Variants in TTN observed in about 807,000 individuals in gnomAD.
TTN encodes the protein titin, also known as connectin.
In TTN, 1,525 loss-of-function variants were observed where a neutral mutation model predicts 3,223.0. That is an observed-to-expected ratio of 0.47 (90% CI 0.45 to 0.49). The LOEUF (loss-of-function observed/expected upper bound fraction) is 0.49, where lower values mean the gene tolerates loss of function less well. TTN is among the 20% of genes least tolerant of loss of function. The pLI is 0.00. For missense variants in TTN, 40,786 were observed against 43,424.0 expected, an observed-to-expected ratio of 0.94 and a Z score of 5.40; for synonymous variants, 14,094 against 15,161.0, an observed-to-expected ratio of 0.93 and a Z score of 5.17.
At chr2:178,637,234 C>A in intron 224 of TTN, 135 bp downstream of exon 224, 1 of 275,096 alleles carries the variant, frequency 3.6e-6, no homozygotes, top group Non-Finnish European at 6.5e-6. Flanking sequence ...TATCAGAAAA[C>A]ATGCTAGTTT....
rs1287203590 is a variant in TTN, at chr2:178,727,148, A to G, written c.20217T>C (p.Ile6739=). 2.5e-6 allele frequency: 4 copies of G among 1,605,852 alleles called. No individual in the cohort carries two copies. The highest frequency in any genetic ancestry group is 4.5e-5 in the East Asian group (2 of 44,664). The change falls in exon 69 of 363, where the codon ATT becomes ATC. Residue 6739 remains isoleucine (I), a synonymous_variant. Transcript: ENST00000589042. ...TGCCAGCGGGATTCTGAGCCTCACAAATGAAATCTCCACTGTCCTCAGTAC... is the reference window on the plus strand; with the variant it reads ...TGCCAGCGGGATTCTGAGCCTCACAGATGAAATCTCCACTGTCCTCAGTAC... ...NLSTEDSGDF[I]CEAQNPAGST... is the part of the protein sequence containing the mutation.
chr2:178,780,054 A>C lies in TTN; in HGVS notation c.3675T>G (p.Ile1225Met). Reference protein sequence around the residue: ...EKEYEKEQALIRKKMAKDTVV... With the variant: ...EKEYEKEQALMRKKMAKDTVV... ...CAGTATCTTTGGCCATTTTCTTCCTAATTAAGGCTTGTTCTTTTTCATACT... is the reference window on the plus strand; with the variant it reads ...CAGTATCTTTGGCCATTTTCTTCCTCATTAAGGCTTGTTCTTTTTCATACT... Residue 1225 changes from isoleucine (I) to methionine (M), a missense_variant, in exon 22 of 363, where the codon ATT becomes ATG. Transcript: ENST00000589042. 1 of 1,613,626 alleles carries C rather than the reference A, an allele frequency of 6.2e-7. No individual in the cohort carries two copies. Among genetic ancestry groups the C allele is most frequent in the Non-Finnish European group, 8.5e-7 (1 of 1,179,858 alleles).
In TTN at chr2:178,544,204, T is replaced by C; in HGVS notation, c.96025A>G (p.Ile32009Val). ...SIAEIEPVER[I>V]EIPDLELADD... is the part of the protein sequence containing the mutation. ...TAAAAGCTTCTGTGATAAATACCTA[T>C]TCTTTCCACGGGCTCAATTTCAGCA... The change falls in exon 345 of 363, where the codon ATA (isoleucine) becomes GTA (valine). Residue 32009 changes from isoleucine (I) to valine (V), a missense_variant. Transcript: ENST00000589042. 6.2e-7 allele frequency: 1 copy of C among 1,612,670 alleles called. No homozygotes were observed. Among genetic ancestry groups the C allele is most frequent in the Non-Finnish European group, 8.5e-7 (1 of 1,178,756 alleles).
At position 178,723,061 on chromosome 2, in the gene TTN, G is replaced by C; in HGVS notation, c.21946C>G (p.Leu7316Val). 1 of 1,613,514 alleles carries C rather than the reference G, an allele frequency of 6.2e-7. No individual in the cohort carries two copies. The highest frequency in any genetic ancestry group is 8.5e-7 in the Non-Finnish European group (1 of 1,179,612). ...GACAACACACCTAATGTAGATACCA[G>C]AGCTCCACAAACATCCCTTCCTGCC... ...NEAGRDVCGA[L>V]VSTLEPPYFV... is the part of the protein sequence containing the mutation. The change falls in exon 75 of 363, where the codon CTG (leucine) becomes GTG (valine). Residue 7316 changes from leucine (L) to valine (V), a missense_variant. Physicochemically the swap from Leu to Val is conservative, Grantham distance 32 (BLOSUM62 1). Coordinates refer to ENST00000589042, the MANE Select transcript of TTN (RefSeq NM_001267550.2).
rs1424922146 is a variant in TTN at position 178,563,106 on chromosome 2, C to G, written c.83026G>C (p.Glu27676Gln). ...AQERIEPPEI[E>Q]LDADLRKVVV... ...ACCTTTCTGAGATCAGCATCGAGTT[C>G]TATTTCTGGTGGCTCTATCCTCTCC... Residue 27676 changes from glutamate (E) to glutamine (Q), a missense_variant, in exon 326 of 363, where the codon GAA becomes CAA. By Grantham distance (29) the Glu-to-Gln change is conservative. Transcript: ENST00000589042. This position sits in a 1 kb window ranked among gnomAD's most constrained non-coding sequence, Gnocchi z 4.5. The G allele has an allele frequency of 1.9e-6, 3 of 1,613,738 alleles. No individual in the cohort carries two copies. The highest frequency in any genetic ancestry group is 2.5e-6 in the Non-Finnish European group (3 of 1,179,720).
chr2:178,564,814 G>A lies in TTN; in HGVS notation c.81318C>T (p.Gly27106=), dbSNP rs772798309. 27 of 1,612,908 alleles carry A rather than the reference G, an allele frequency of 1.7e-5. No individual in the cohort carries two copies. Among genetic ancestry groups the A allele is most frequent in the Non-Finnish European group, 2.2e-5 (26 of 1,179,434 alleles). The change falls in exon 326 of 363, where the codon GGC becomes GGT. Residue 27106 remains glycine, a synonymous_variant. Coordinates refer to ENST00000589042, the MANE Select transcript of TTN (RefSeq NM_001267550.2). ...TCTTTTCTTTCTGTTCAAGATGGTA[G>A]CCAATAATTTTGGTGCCTCCATCAT... The part of the protein sequence containing the change: ...PVNDGGTKII[G]YHLEQKEKNS...
Position 178,689,035 on chromosome 2 carries a change from G to A in TTN, c.32095+18C>T. On this transcript the variant is annotated intron_variant, in intron 125 of 362. Transcript: ENST00000589042. ...TTTTTTTTTTTTTTTTTTGTCAGAG[G>A]ATTGAGGCAAATCCTACCTCGGGGA... is the stretch of plus-strand genomic sequence containing the variant. 2 of 1,321,308 alleles carry A rather than the reference G, an allele frequency of 1.5e-6. No individual in the cohort carries two copies. The highest frequency in any genetic ancestry group is 1.1e-6 in the Non-Finnish European group (1 of 936,492). 81.8% of individuals were successfully genotyped at this position (1,321,308 alleles called of 1,614,324 possible).
Position 178,725,611 on chromosome 2 carries a change from C to A in TTN, c.20593G>T (p.Val6865Phe). ...RFVSKLNSLT[V>F]VAGEPAELQA... ...AATTCAGCAGGCTCTCCGGCTACAA[C>A]AGTGAGGCTGTTCAGTTTGGAGACA... Residue 6865 changes from valine to phenylalanine, a missense_variant, in exon 71 of 363, where the codon GTT becomes TTT. Physicochemically the swap from Val to Phe is conservative, Grantham distance 50 (BLOSUM62 -1). Coordinates refer to ENST00000589042, the MANE Select transcript of TTN (RefSeq NM_001267550.2). The A allele has an allele frequency of 6.2e-7, 1 of 1,603,604 alleles. No homozygotes were observed. Among genetic ancestry groups the A allele is most frequent in the South Asian group, 1.1e-5 (1 of 89,088 alleles).
intron 147 of TTN, among the ~76,000 whole-genome samples, chr2:178,676,655 G>T (rs2068126381): frequency 6.9e-6 from 1 of 144,742 alleles, no homozygotes; most frequent in African/African-American, 2.6e-5. Context: ...TCAGGCTCAG[G>T]TTGGTTAAAG....
At chr2:178,798,921 T>C (rs1401397192) in intron 6 of TTN, 3 of 155,840 alleles carry the variant, frequency 1.9e-5, no homozygotes, top group African/African-American at 4.8e-5. Context: ...CACTGTGCCA[T>C]ATTTTGGCCC....
rs368124487 is a variant in TTN, at chr2:178,573,059, T to C, written c.73073A>G (p.Tyr24358Cys). ...IYDGGSEITG[Y>C]MVEIALPEED... Reference sequence around the variant, plus strand: ...CTCTGGCAGGGCAATCTCAACCATATACCCAGTGATTTCTGAACCACCATC... The same window carrying C: ...CTCTGGCAGGGCAATCTCAACCATACACCCAGTGATTTCTGAACCACCATC... Residue 24358 changes from tyrosine (Y) to cysteine (C), a missense_variant, in exon 326 of 363, where the codon TAT becomes TGT. Transcript: ENST00000589042. The C allele has an allele frequency of 1.2e-6, 2 of 1,613,236 alleles. No homozygotes were observed. The highest frequency in any genetic ancestry group is 1.1e-5 in the South Asian group (1 of 91,068).
chr2:178,528,420 A>G lies in TTN; in HGVS notation c.107231T>C (p.Ile35744Thr). ...EWFKNNLPIS[I>T]SSNVSISRSR... The stretch of plus-strand genomic sequence containing the variant: ...GCGGCTTATGCTGACATTTGAAGAA[A>G]TAGAAATCTAAGACAAAGGAAAAAG... Residue 35744 changes from isoleucine to threonine, a missense_variant, in exon 361 of 363, where the codon ATT becomes ACT. Coordinates refer to ENST00000589042, the MANE Select transcript of TTN (RefSeq NM_001267550.2). 6.2e-7 allele frequency: 1 copy of G among 1,612,848 alleles called. No homozygotes were observed. Among genetic ancestry groups the G allele is most frequent in the East Asian group, 2.2e-5 (1 of 44,872 alleles).
Position 178,571,078 on chromosome 2 carries a change from G to T in TTN, c.75054C>A (p.Val25018=). The T allele has an allele frequency of 6.2e-7, 1 of 1,613,038 alleles. No homozygotes were observed. ...ACTGAAGAGTCACAGAATTCCTTGT[G>T]ACAATGATTGCCTCTGGCCGTCCTG... ...DPPGRPEAII[V]TRNSVTLQWK... is the part of the protein sequence containing the mutation. The change falls in exon 326 of 363, where the codon GTC becomes GTA. Residue 25018 remains valine, a synonymous_variant. Transcript: ENST00000589042.
chr2:178,577,005 G>A lies in TTN; in HGVS notation c.69330C>T (p.Tyr23110=). 2 of 1,613,458 alleles carry A rather than the reference G, an allele frequency of 1.2e-6. No individual in the cohort carries two copies. Among genetic ancestry groups the A allele is most frequent in the East Asian group, 2.2e-5 (1 of 44,822 alleles). Residue 23110 remains tyrosine (Y), a synonymous_variant, in exon 324 of 363, where the codon TAC becomes TAT. Coordinates refer to ENST00000589042, the MANE Select transcript of TTN (RefSeq NM_001267550.2). ...GGTTTACAGCTGAGACCCGGAAGATGTACTCATTTCCTTGGATAAGTTTGG... is the reference window on the plus strand; with the variant it reads ...GGTTTACAGCTGAGACCCGGAAGATATACTCATTTCCTTGGATAAGTTTGG... ...VATKLIQGNE[Y]IFRVSAVNHY... is the part of the protein sequence containing the mutation.
chr2:178,646,706 TAAG>T (rs1035815311), intron 215 of TTN, 147 bp from the exon 216 acceptor site: 54 of 563,048 alleles, frequency 9.6e-5, no homozygotes, highest in Non-Finnish European at 5.0e-5. Flanking sequence ...AATTCACGTA[TAAG>T]AAAAAGTTCT....
chr2:178,574,104 G>T lies in TTN; in HGVS notation c.72028C>A (p.Pro24010Thr). Residue 24010 changes from proline (P) to threonine (T), a missense_variant, in exon 326 of 363, where the codon CCA becomes ACA. Coordinates refer to ENST00000589042, the MANE Select transcript of TTN (RefSeq NM_001267550.2). Reference sequence around the variant, plus strand: ...ATAGCATCAGATGGCTCAGATGGTGGACTGATGGCACCTGCAGCATTTTTG... The same window carrying T: ...ATAGCATCAGATGGCTCAGATGGTGTACTGATGGCACCTGCAGCATTTTTG... ...IAKNAAGAIS[P>T]PSEPSDAITC... 6.2e-7 allele frequency: 1 copy of T among 1,613,554 alleles called. No homozygotes were observed.
At chr2:178,805,681 A>T (rs568822186) in intron 1 of TTN, among the ~76,000 whole-genome samples, 71 of 152,336 alleles carry the variant, frequency 4.7e-4, no homozygotes, top group African/African-American at 1.7e-3. Context: ...ATTCAGAAAA[A>T]TTTAAATTTT....
rs768834515 is a variant in TTN at position 178,770,389 on chromosome 2, A to G, written c.8380+23T>C. ...TGGTAACCATGGGCTGACTGCTTGAAAAGTGTTTCTAAATCAACTTACTCT... is the reference window on the plus strand; with the variant it reads ...TGGTAACCATGGGCTGACTGCTTGAGAAGTGTTTCTAAATCAACTTACTCT... On this transcript the variant is annotated intron_variant, in intron 35 of 362. Coordinates refer to ENST00000589042, the MANE Select transcript of TTN (RefSeq NM_001267550.2). 21 of 1,614,014 alleles carry G rather than the reference A, an allele frequency of 1.3e-5. No homozygotes were observed. The East Asian group carries it at 4.2e-4, about 33-fold the overall frequency.
chr2:178,549,844 T>C lies in TTN; in HGVS notation c.91878A>G (p.Pro30626=), dbSNP rs879211202. 2 of 1,581,428 alleles carry C rather than the reference T, an allele frequency of 1.3e-6. No individual in the cohort carries two copies. Among genetic ancestry groups the C allele is most frequent in the Admixed American group, 3.6e-5 (2 of 55,234 alleles). ...CCCCAGTAATATTGGTGAATCTTAT[T>C]GGCCCAACTACTTTTCCTGGTGTAT... The part of the protein sequence containing the change: ...VQDTPGKVVG[P]IRFTNITGEK... The change falls in exon 338 of 363, where the codon CCA becomes CCG. Residue 30626 remains proline (P), a synonymous_variant. Coordinates refer to ENST00000589042, the MANE Select transcript of TTN (RefSeq NM_001267550.2).
Sources: allele counts gnomAD v4.1 joint callset (sites outside exome capture counted in the v4.1 genomes callset), GRCh38; gene constraint gnomAD v4.1.1; non-coding constraint Gnocchi (gnomAD v3.1); transcripts MANE v1.5; gene names NCBI Gene and HGNC (gene_info 2026-07-23, HGNC 2026-07-21).